The following SRPK2 variants were observed in gnomAD, a reference collection of about 807,000 sequenced individuals.
The protein encoded by SRPK2 is SRSF protein kinase 2, also known as SFRS protein kinase 2.
In SRPK2, 21 loss-of-function variants were observed where a neutral mutation model predicts 90.8. The observed-to-expected ratio is 0.23, with a 90% CI of 0.16 to 0.33. The LOEUF (loss-of-function observed/expected upper bound fraction) is 0.33. Ranked by LOEUF, SRPK2 falls within the 10% of genes least tolerant of loss-of-function variation. The probability of loss-of-function intolerance (pLI) is 1.00; values close to 1 mark genes in which losing one functional copy is unlikely to be tolerated. For missense variants in SRPK2, 620 were observed against 869.0 expected (o/e 0.71, Z 3.60); for synonymous variants, 288 against 311.1 (o/e 0.93, Z 0.78).
chr7:105,217,247 T>A lies in SRPK2; in HGVS notation c.72-13462A>T, dbSNP rs567242626. Reference sequence around the variant, plus strand: ...TAGTTAAGAGATTTCTTGAGAAGGTTACAAACAGTTAATTATCACATACTT... The same window carrying A: ...TAGTTAAGAGATTTCTTGAGAAGGTAACAAACAGTTAATTATCACATACTT... On this transcript the variant is annotated intron_variant, in intron 2 of 15. Transcript: ENST00000393651. 2.0e-5 allele frequency among the ~76,000 whole-genome samples: 3 copies of A among 152,254 alleles called. No homozygotes were observed. The South Asian group carries it at 6.2e-4, about 32-fold the overall frequency.
chr7:105,147,153 C>A (rs1376955577), intron 7 of SRPK2, among the ~76,000 whole-genome samples: 2 of 152,022 alleles, frequency 1.3e-5, no homozygotes, highest in Non-Finnish European at 2.9e-5. Flanking sequence ...TAAAAATATG[C>A]TATATAACAC....
intron 3 of SRPK2, among the ~76,000 whole-genome samples, chr7:105,178,671 A>T (rs184490630): frequency 1.7e-4 from 26 of 152,184 alleles, no homozygotes; most frequent in African/African-American, 5.3e-4. Context: ...AATTTAAAAA[A>T]TTTTGCTGGG....
At chr7:105,299,497 A>C (rs901839333) in intron 2 of SRPK2, among the ~76,000 whole-genome samples, 2 of 152,236 alleles carry the variant, frequency 1.3e-5, no homozygotes, top group African/African-American at 4.8e-5. Flanking sequence ...AAGAAATTAA[A>C]TATATTCATC....
At chr7:105,282,279 G>A (rs1259950844) in intron 2 of SRPK2, among the ~76,000 whole-genome samples, 1 of 152,198 alleles carries the variant, frequency 6.6e-6, no homozygotes, top group African/African-American at 2.4e-5. Flanking sequence ...GCAGGAGAAT[G>A]AAGCCAGAGT....
chr7:105,271,848 T>C (rs1464895285), intron 2 of SRPK2, among the ~76,000 whole-genome samples: 2 of 152,202 alleles, frequency 1.3e-5, no homozygotes, highest in Non-Finnish European at 2.9e-5. Context: ...GGACCCTATA[T>C]GCTTTATTTT....
chr7:105,377,033 T>C (rs1041797174), intron 2 of SRPK2, among the ~76,000 whole-genome samples: 1 of 152,144 alleles, frequency 6.6e-6, no homozygotes, highest in Non-Finnish European at 1.5e-5. Context: ...TGTGCTAAGA[T>C]AGTTCCAGCT....
chr7:105,137,439 A>G (rs899931985), intron 11 of SRPK2, among the ~76,000 whole-genome samples: 2 of 152,058 alleles, frequency 1.3e-5, no homozygotes, highest in Non-Finnish European at 2.9e-5. Context: ...CCAGACAGAG[A>G]CAGACTGGGG....
At chr7:105,323,330 T>G (rs769966854) in intron 2 of SRPK2, among the ~76,000 whole-genome samples, 5 of 152,136 alleles carry the variant, frequency 3.3e-5, no homozygotes, top group Non-Finnish European at 5.9e-5. Flanking sequence ...CAAATGAAGG[T>G]AAAGCCTTCT....
At chr7:105,160,691 C>A in intron 6 of SRPK2, 78 bp from the exon 7 acceptor site, 1 of 777,624 alleles carries the variant, frequency 1.3e-6, no homozygotes, top group Admixed American at 1.9e-5. Context: ...CATTGTGTCA[C>A]TTGCAAAGCA....
At chr7:105,177,632 G>A (rs532303183) in intron 3 of SRPK2, among the ~76,000 whole-genome samples, 10 of 152,214 alleles carry the variant, frequency 6.6e-5, no homozygotes, top group African/African-American at 2.2e-4. Context: ...TCCTGGGGGC[G>A]GCTATGCATG....
chr7:105,207,617 T>C (rs1213081085), intron 2 of SRPK2, among the ~76,000 whole-genome samples: 4 of 152,102 alleles, frequency 2.6e-5, no homozygotes, highest in Non-Finnish European at 4.4e-5. Flanking sequence ...CTACAACAAA[T>C]ACATACTCAT....
At chr7:105,171,273 G>A (rs971671927) in intron 3 of SRPK2, among the ~76,000 whole-genome samples, 6 of 152,094 alleles carry the variant, frequency 3.9e-5, no homozygotes, top group African/African-American at 1.4e-4. Flanking sequence ...TGTGAAATAC[G>A]GAGGATAAGA....
intron 2 of SRPK2, among the ~76,000 whole-genome samples, chr7:105,265,545 C>G (rs1253445239): frequency 6.6e-6 from 1 of 152,126 alleles, no homozygotes; most frequent in Middle Eastern, 3.2e-3. Flanking sequence ...TACTCTCCCC[C>G]ACGCACATTA....
rs370384543 is a variant in SRPK2 at position 105,367,545 on chromosome 7, G to A, written c.71+21103C>T. Among the ~76,000 whole-genome samples the A allele has an allele frequency of 1.9e-4, 29 of 152,278 alleles. No individual in the cohort carries two copies. In the South Asian group the frequency reaches 5.6e-3, roughly 29 times the overall value. On this transcript the variant is annotated intron_variant, in intron 2 of 15. Coordinates refer to ENST00000393651, the MANE Select transcript of SRPK2 (RefSeq NM_182692.3). The stretch of plus-strand genomic sequence containing the variant: ...CCCAAAGAGCTGGGATTACTGGCAT[G>A]AGTGACCACACCTGGCCAGTTACAG...
intron 2 of SRPK2, among the ~76,000 whole-genome samples, chr7:105,336,817 T>C (rs1815146936): frequency 6.6e-6 from 1 of 152,224 alleles, no homozygotes; most frequent in African/African-American, 2.4e-5. Flanking sequence ...TTTTTTGTTT[T>C]TTTGAGACAG....
intron 2 of SRPK2, among the ~76,000 whole-genome samples, chr7:105,357,675 C>T (rs1015687991): frequency 6.6e-6 from 1 of 151,630 alleles, no homozygotes; most frequent in Non-Finnish European, 1.5e-5. Context: ...ACCCAGGAGG[C>T]GGAGGTTACA....
chr7:105,340,081 A>G (rs77785486), intron 2 of SRPK2, among the ~76,000 whole-genome samples: 2 of 151,836 alleles, frequency 1.3e-5, no homozygotes, highest in African/African-American at 4.8e-5. Context: ...AAAAAAAAAA[A>G]GGCCAGGATC....
chr7:105,227,263 G>A (rs1202103683), intron 2 of SRPK2, among the ~76,000 whole-genome samples: 1 of 152,170 alleles, frequency 6.6e-6, no homozygotes, highest in East Asian at 1.9e-4. Flanking sequence ...GTGGTGATCT[G>A]TGAGATCCTA....
At chr7:105,192,227 A>G (rs1258335722) in intron 3 of SRPK2, among the ~76,000 whole-genome samples, 3 of 152,036 alleles carry the variant, frequency 2.0e-5, no homozygotes, top group African/African-American at 7.2e-5. Flanking sequence ...TTTCCCCCTG[A>G]GTCCCCAAAG....
Sources: gnomAD v4.1 joint callset for allele counts (sites outside exome capture counted in the v4.1 genomes callset) on GRCh38, gnomAD v4.1.1 for gene constraint, MANE v1.5 for transcripts, NCBI Gene and HGNC (gene_info 2026-07-23, HGNC 2026-07-21) for gene names.